Variants in LMO7 observed in about 807,000 individuals in gnomAD.
The protein encoded by LMO7 is LIM domain 7.
In LMO7, 120 loss-of-function variants were observed where a neutral mutation model predicts 206.5. The observed-to-expected ratio is 0.58, with a 90% CI of 0.50 to 0.68. LMO7 has a LOEUF of 0.68. LMO7 is among the 30% of genes least tolerant of loss of function. LMO7 has a pLI of 0.00. For missense variants in LMO7, 1,959 were observed against 1,957.9 expected (o/e 1.00, Z -0.01); for synonymous variants, 706 against 681.5 (o/e 1.04, Z -0.56).
intron 2 of LMO7, chr13:75,631,246 T>G (rs1799669306): frequency 6.6e-6 from 1 of 152,052 alleles, no homozygotes. Flanking sequence ...GGTCTTGAAC[T>G]GCCGAGCTTG....
intron 6 of LMO7, among the ~76,000 whole-genome samples, chr13:75,799,618 A>G (rs566201863): frequency 1.3e-5 from 2 of 152,212 alleles, no homozygotes; most frequent in African/African-American, 2.4e-5. Flanking sequence ...TTTATTTTGA[A>G]TCATGACTTA....
At chr13:75,717,139 G>A (rs188076234) in intron 2 of LMO7, among the ~76,000 whole-genome samples, 28 of 151,926 alleles carry the variant, frequency 1.8e-4, no homozygotes, top group Non-Finnish European at 2.4e-4. Flanking sequence ...CGAGGCGGGC[G>A]GATCATGAGG....
intron 3 of LMO7, among the ~76,000 whole-genome samples, chr13:75,733,630 C>A (rs1187596509): frequency 8.5e-6 from 1 of 118,244 alleles, no homozygotes; most frequent in Non-Finnish European, 1.9e-5. Context: ...TGCACTGCAC[C>A]CACTGTCCTG....
At chr13:75,752,815 T>C (rs568664888) in intron 3 of LMO7, among the ~76,000 whole-genome samples, 1 of 152,368 alleles carries the variant, frequency 6.6e-6, no homozygotes, top group South Asian at 2.1e-4. Context: ...TACCACATTT[T>C]ATTTATCCAG....
intron 1 of LMO7, among the ~76,000 whole-genome samples, chr13:75,691,544 A>T (rs1454789240): frequency 2.0e-5 from 3 of 151,622 alleles, no homozygotes; most frequent in African/African-American, 7.3e-5. Flanking sequence ...GGGCCTTTTC[A>T]CTCTGGCCTC....
intron 1 of LMO7, among the ~76,000 whole-genome samples, chr13:75,703,390 C>A (rs1458278691): frequency 1.3e-5 from 2 of 152,094 alleles, no homozygotes; most frequent in Non-Finnish European, 2.9e-5. Flanking sequence ...TCACTAATTA[C>A]AGTTTAGAGT....
intron 20 of LMO7, 149 bp from the exon 21 acceptor site, chr13:75,839,936 G>A: frequency 1.5e-6 from 1 of 663,862 alleles, no homozygotes; most frequent in Middle Eastern, 3.8e-4. Flanking sequence ...GAGAAAAAAG[G>A]ATTTACTGAC....
chr13:75,856,660 G>C, intron 30 of LMO7, 52 bp downstream of exon 30: 1 of 1,055,698 alleles, frequency 9.5e-7, no homozygotes, highest in South Asian at 1.3e-5. Context: ...GAGGCCACGG[G>C]TTCCCATGCA....
intron 3 of LMO7, among the ~76,000 whole-genome samples, chr13:75,749,258 A>T (rs1364197866): frequency 1.3e-5 from 2 of 152,190 alleles, no homozygotes; most frequent in Admixed American, 1.3e-4. Flanking sequence ...GTTCCTTGTT[A>T]AATACGTGTT....
At chr13:75,781,486 C>T (rs1380233217) in intron 4 of LMO7, among the ~76,000 whole-genome samples, 1 of 151,680 alleles carries the variant, frequency 6.6e-6, no homozygotes, top group Non-Finnish European at 1.5e-5. Context: ...CATAGTATTC[C>T]ATGGTGTATA....
chr13:75,809,828 A>ATTTTT (rs35825600), intron 11 of LMO7, among the ~76,000 whole-genome samples: 13 of 122,624 alleles, frequency 1.1e-4, no homozygotes, highest in African/African-American at 2.5e-4. Flanking sequence ...CAAAAACTAC[A>ATTTTT]TTTTTTTTTT....
At chr13:75,703,366 G>A (rs1349768174) in intron 1 of LMO7, among the ~76,000 whole-genome samples, 2 of 152,266 alleles carry the variant, frequency 1.3e-5, no homozygotes, top group East Asian at 3.9e-4. Context: ...ATGACTGGGG[G>A]AATAGGAGGT....
chr13:75,771,071 TG>T (rs1398933918), intron 4 of LMO7, among the ~76,000 whole-genome samples: 2 of 152,124 alleles, frequency 1.3e-5, no homozygotes, highest in Non-Finnish European at 2.9e-5. Context: ...AGAATGGATT[TG>T]TGTACATGAT....
intron 1 of LMO7, among the ~76,000 whole-genome samples, chr13:75,622,782 T>G (rs2033487914): frequency 2.6e-5 from 4 of 152,250 alleles, no homozygotes; most frequent in African/African-American, 9.6e-5. Context: ...TGGCTGAATA[T>G]ATCAGGATAC....
chr13:75,762,972 A>G (rs967234084), intron 4 of LMO7, among the ~76,000 whole-genome samples: 1 of 152,210 alleles, frequency 6.6e-6, no homozygotes, highest in Non-Finnish European at 1.5e-5. Flanking sequence ...CACTTTTAGT[A>G]AAGGAAGCAG....
At chr13:75,761,068 TA>T in intron 4 of LMO7, 30 bp downstream of exon 4, 2 of 1,303,924 alleles carry the variant, frequency 1.5e-6, no homozygotes, top group Admixed American at 4.3e-5. Context: ...TAGATATATA[TA>T]TATATATTTA....
chr13:75,713,075 A>T (rs73225957), intron 1 of LMO7, 107 bp from the exon 2 acceptor site: 23 of 685,432 alleles, frequency 3.4e-5, no homozygotes, highest in Non-Finnish European at 5.6e-5. Flanking sequence ...TATATATGCA[A>T]ATCCTTCAAG....
intron 1 of LMO7, among the ~76,000 whole-genome samples, chr13:75,660,131 A>G (rs1245481797): frequency 1.3e-5 from 2 of 152,248 alleles, no homozygotes; most frequent in Non-Finnish European, 2.9e-5. Context: ...GAAGATGTTT[A>G]TTGAACACTT....
chr13:75,682,245 T>C (rs1489701830), intron 1 of LMO7, among the ~76,000 whole-genome samples: 1 of 152,184 alleles, frequency 6.6e-6, no homozygotes, highest in Non-Finnish European at 1.5e-5. Context: ...CCTAATGACT[T>C]AATTGTTAAG....
Sources: gnomAD v4.1 joint callset for allele counts (sites outside exome capture counted in the v4.1 genomes callset) on GRCh38, gnomAD v4.1.1 for gene constraint, MANE v1.5 for transcripts, NCBI Gene and HGNC (gene_info 2026-07-23, HGNC 2026-07-21) for gene names.